OR2C1: variants seen among roughly 807,000 people sequenced by gnomAD.
The protein encoded by OR2C1 is olfactory receptor family 2 subfamily C member 1.
For synonymous variants in OR2C1, 209 were observed against 167.3 expected (o/e 1.25, Z -1.92); for missense variants, 468 against 388.3 (o/e 1.21, Z -1.73).
chr16:3,355,189 A>G (rs1457855209), upstream of OR2C1, among the ~76,000 whole-genome samples: 1 of 151,848 alleles, frequency 6.6e-6, no homozygotes, highest in East Asian at 1.9e-4. Context: ...TAGGCCACGC[A>G]CGGTGGCTCA....
In OR2C1 at chr16:3,355,982, G is replaced by T; in HGVS notation, c.42G>T (p.Leu14=). The change falls in exon 1 of 1, where the codon CTG becomes CTT. Residue 14 remains leucine (L), a synonymous_variant. Transcript: ENST00000304936. ...ATAGCTCCTTGCAGGGCTTTGTTCT[G>T]ATGGGCATATCAGACCATCCCCAGC... ...VNDSSLQGFV[L]MGISDHPQLE... is the part of the protein sequence containing the mutation. 6.2e-7 allele frequency: 1 copy of T among 1,613,722 alleles called. No homozygotes were observed. The highest frequency in any genetic ancestry group is 2.2e-5 in the East Asian group (1 of 44,884).
chr16:3,323,052 A>T, the OR2C1 span: 5 of 642,580 alleles, frequency 7.8e-6, no homozygotes, highest in African/African-American at 1.9e-5. Context: ...TTTTTTTTTA[A>T]CCCTTCCTTT....
Position 3,357,017 on chromosome 16 carries a change from C to T in OR2C1, c.*138C>T, listed in dbSNP as rs2030693059. On this transcript the variant is annotated 3_prime_UTR_variant, in exon 1 of 1. Coordinates refer to ENST00000304936, the MANE Select transcript of OR2C1 (RefSeq NM_012368.3). ...TCCTGACAGCCCTAAGCTGACAGCC[C>T]TAAGCTGTTGGGAACATGGTTAGTG... 3 of 734,030 alleles carry T rather than the reference C, an allele frequency of 4.1e-6. No homozygotes were observed. The highest frequency in any genetic ancestry group is 2.7e-5 in the East Asian group (1 of 36,722). The allele number at this position is 734,030 out of a possible 1,614,324, so 45.5% of individuals were successfully genotyped here. A position where few individuals can be genotyped will look rare whatever the true frequency, so the allele number is the denominator to read the frequency against.
At chr16:3,344,957 A>G in the OR2C1 span, among the ~76,000 whole-genome samples, 2 of 150,726 alleles carry the variant, frequency 1.3e-5, no homozygotes, top group East Asian at 1.9e-4. Context: ...GTATATATAT[A>G]TGTATAAATA....
At chr16:3,335,921 C>T in the OR2C1 span, among the ~76,000 whole-genome samples, 1 of 152,006 alleles carries the variant, frequency 6.6e-6, no homozygotes, top group African/African-American at 2.4e-5. Flanking sequence ...TTTCTTTTTG[C>T]CTAATTACTC....
chr16:3,351,183 T>C (rs2030566656), upstream of OR2C1, among the ~76,000 whole-genome samples: 1 of 147,068 alleles, frequency 6.8e-6, no homozygotes, highest in Non-Finnish European at 1.5e-5. Context: ...TAATTTCTCC[T>C]GCTCTGAATT....
At chr16:3,353,982 TC>T (rs368832950), upstream of OR2C1, among the ~76,000 whole-genome samples, 6 of 126,480 alleles carry the variant, frequency 4.7e-5, no homozygotes, top group African/African-American at 1.9e-4. Flanking sequence ...TCTTTTCTTT[TC>T]TTTTTTTTTT....
the OR2C1 span, among the ~76,000 whole-genome samples, chr16:3,326,563 C>T: frequency 6.6e-6 from 1 of 152,184 alleles, no homozygotes; most frequent in Non-Finnish European, 1.5e-5. Flanking sequence ...ACATCCGTTT[C>T]ACCCTTTTTC....
chr16:3,356,138 C>T lies in OR2C1; in HGVS notation c.198C>T (p.Leu66=), dbSNP rs1380231840. 1 of 1,614,236 alleles carries T rather than the reference C, an allele frequency of 6.2e-7. No homozygotes were observed. The highest frequency in any genetic ancestry group is 1.1e-5 in the South Asian group (1 of 91,084). Residue 66 remains leucine (L), a synonymous_variant, in exon 1 of 1, where the codon CTC becomes CTT. Coordinates refer to ENST00000304936, the MANE Select transcript of OR2C1 (RefSeq NM_012368.3). ...HTPMYFFLSN[L]SSLDLAFATS... ...CCATGTACTTCTTCCTCAGCAACCT[C>T]TCCTCCTTGGACCTTGCTTTCGCTA...
chr16:3,333,210 CATTTTTTTTTTTTTTTTTTTTTT>C, the OR2C1 span, among the ~76,000 whole-genome samples: 12 of 33,050 alleles, frequency 3.6e-4, no homozygotes, highest in South Asian at 1.9e-3. Context: ...ATCTTTTGCC[CATTTTTTTTTTTTTTTTTTTTTT>C]TTTTTTTTTT....
chr16:3,336,708 C>CTTT, the OR2C1 span, among the ~76,000 whole-genome samples: 14,972 of 93,186 alleles, frequency 0.16, 2,045 homozygotes, highest in South Asian at 0.21. Context: ...TTCTTTCTTT[C>CTTT]TTTCTTTTTT....
chr16:3,326,051 C>T, the OR2C1 span, among the ~76,000 whole-genome samples: 1 of 151,430 alleles, frequency 6.6e-6, no homozygotes, highest in Non-Finnish European at 1.5e-5. Flanking sequence ...CTGCCTCAGT[C>T]TCCTGAGTAG....
the OR2C1 span, among the ~76,000 whole-genome samples, chr16:3,329,286 G>A: frequency 1.3e-5 from 2 of 151,152 alleles, no homozygotes; most frequent in African/African-American, 2.4e-5. Flanking sequence ...GTATCAGAAG[G>A]AGAGAAAAAT....
chr16:3,356,900 T>C lies in OR2C1; in HGVS notation c.*21T>C. 1 of 1,514,354 alleles carries C rather than the reference T, an allele frequency of 6.6e-7. No homozygotes were observed. Among genetic ancestry groups the C allele is most frequent in the Non-Finnish European group, 8.9e-7 (1 of 1,124,724 alleles). The allele number at this position is 1,514,354 out of a possible 1,614,324, so 93.8% of individuals were successfully genotyped here. ...GCTGAGAGAACACTCCTTCGTTATT[T>C]ATTGCGTCTTCATCTCTACATGCGT... is the stretch of plus-strand genomic sequence containing the variant. On this transcript the variant is annotated 3_prime_UTR_variant, in exon 1 of 1. Transcript: ENST00000304936.
At chr16:3,355,816 A>G (rs899960916), upstream of OR2C1, 4 of 678,062 alleles carry the variant, frequency 5.9e-6, no homozygotes, top group Non-Finnish European at 1.0e-5. Flanking sequence ...TTACTTAACT[A>G]TGGATCCCAG....
At chr16:3,328,824 G>A in the OR2C1 span, among the ~76,000 whole-genome samples, 4 of 152,114 alleles carry the variant, frequency 2.6e-5, no homozygotes, top group Non-Finnish European at 5.9e-5. Flanking sequence ...GAAGTACTAT[G>A]CTCTGAGGGT....
chr16:3,330,975 A>G, the OR2C1 span, among the ~76,000 whole-genome samples: 2 of 152,082 alleles, frequency 1.3e-5, no homozygotes, highest in African/African-American at 4.8e-5. Context: ...GACTTCCACA[A>G]TGGTTGAACT....
chr16:3,353,007 T>A (rs1451364193), upstream of OR2C1, among the ~76,000 whole-genome samples: 1 of 151,246 alleles, frequency 6.6e-6, no homozygotes, highest in Non-Finnish European at 1.5e-5. Context: ...CCTCCCAAAG[T>A]GTTGAGATTA....
At chr16:3,337,703 C>A in the OR2C1 span, among the ~76,000 whole-genome samples, 1 of 151,942 alleles carries the variant, frequency 6.6e-6, no homozygotes, top group Non-Finnish European at 1.5e-5. Context: ...ATTTTGAATT[C>A]TGGGTCAGAG....
Sources: gnomAD v4.1 joint callset for allele counts (sites outside exome capture counted in the v4.1 genomes callset) on GRCh38, gnomAD v4.1.1 for gene constraint, MANE v1.5 for transcripts, NCBI Gene and HGNC (gene_info 2026-07-23, HGNC 2026-07-21) for gene names.